Variants in LYN observed in about 807,000 individuals in gnomAD.
LYN encodes the protein tyrosine-protein kinase Lyn.
LYN carries 12 observed loss-of-function variants against 65.0 expected under a neutral mutation model. That is an observed-to-expected ratio of 0.18 (90% CI 0.12 to 0.30). The LOEUF (loss-of-function observed/expected upper bound fraction) is 0.30, where lower values mean the gene tolerates loss of function less well. Among genes scored for constraint, LYN ranks in the 10% least tolerant of loss-of-function variants. The probability of loss-of-function intolerance (pLI) is 1.00; values close to 1 mark genes in which losing one functional copy is unlikely to be tolerated. For missense variants in LYN, 380 were observed against 623.2 expected (o/e 0.61, Z 4.16); for synonymous variants, 222 against 221.2 (o/e 1.00, Z -0.03).
At chr8:55,909,221 C>T (rs1420521327) in intron 1 of LYN, among the ~76,000 whole-genome samples, 5 of 151,920 alleles carry the variant, frequency 3.3e-5, no homozygotes, top group Non-Finnish European at 5.9e-5. Flanking sequence ...ATGTGTGCCA[C>T]GTGATGGGCC....
At chr8:55,973,840 G>A (rs1249682906) in intron 10 of LYN, among the ~76,000 whole-genome samples, 1 of 152,226 alleles carries the variant, frequency 6.6e-6, no homozygotes, top group Non-Finnish European at 1.5e-5. Context: ...CAGCTACTTG[G>A]GAGGCTGAAA....
rs143676517 is a variant in LYN, at chr8:55,886,082, T to C, written c.-6+5979T>C. 2.2e-3 allele frequency among the ~76,000 whole-genome samples: 342 copies of C among 152,310 alleles called. 1 individual carries two copies. The highest frequency in any genetic ancestry group is 7.1e-3 in the African/African-American group (295 of 41,572). On this transcript the variant is annotated intron_variant, in intron 1 of 12. Coordinates refer to ENST00000519728, the MANE Select transcript of LYN (RefSeq NM_002350.4). ...ATGTACATTTTGAAATTCCCCGTCA[T>C]GGAAAGTGTTATGAAACTCTTGGGT...
chr8:56,004,769 G>A (rs184943902), intron 12 of LYN, among the ~76,000 whole-genome samples: 4 of 151,954 alleles, frequency 2.6e-5, no homozygotes, highest in African/African-American at 7.2e-5. Context: ...TAAGGATATG[G>A]CCACATACTT....
chr8:55,970,425 G>A (rs114663752), intron 10 of LYN, among the ~76,000 whole-genome samples: 1,674 of 152,284 alleles, frequency 0.011, 29 homozygotes, highest in African/African-American at 0.039. Flanking sequence ...TCAAGGAAAT[G>A]CACACTTGAA....
chr8:55,954,847 TAAATA>T (rs1367561155), intron 8 of LYN, among the ~76,000 whole-genome samples: 19 of 143,518 alleles, frequency 1.3e-4, no homozygotes, highest in African/African-American at 3.6e-4. Context: ...AATAAATAAA[TAAATA>T]AATAAATAAA....
chr8:55,928,705 TG>T (rs1418891077), intron 1 of LYN, among the ~76,000 whole-genome samples: 2 of 152,206 alleles, frequency 1.3e-5, no homozygotes, highest in Non-Finnish European at 2.9e-5. Context: ...CTTAAGAAAG[TG>T]TCTTTCACAG....
At chr8:55,903,190 A>G (rs866927314) in intron 1 of LYN, among the ~76,000 whole-genome samples, 1 of 151,686 alleles carries the variant, frequency 6.6e-6, no homozygotes, top group Non-Finnish European at 1.5e-5. Context: ...ACGGGATTTC[A>G]CCATGTTGGC....
intron 1 of LYN, among the ~76,000 whole-genome samples, chr8:55,882,457 A>G (rs1200531407): frequency 3.3e-5 from 5 of 152,248 alleles, no homozygotes. Flanking sequence ...AAATCATATT[A>G]TTCATGTACA....
chr8:55,959,606 AT>A (rs201723253), intron 8 of LYN, among the ~76,000 whole-genome samples: 1 of 152,038 alleles, frequency 6.6e-6, no homozygotes, highest in Non-Finnish European at 1.5e-5. Flanking sequence ...TTGCTTTTTA[AT>A]TTTTTTTATT....
chr8:55,981,899 G>T (rs1407507841), intron 10 of LYN, among the ~76,000 whole-genome samples: 1 of 152,228 alleles, frequency 6.6e-6, no homozygotes, highest in Admixed American at 6.5e-5. Flanking sequence ...GGAGGAATGA[G>T]AAATTATAAA....
At chr8:55,944,584 G>T (rs981883920) in intron 2 of LYN, among the ~76,000 whole-genome samples, 1 of 152,140 alleles carries the variant, frequency 6.6e-6, no homozygotes, top group African/African-American at 2.4e-5. Flanking sequence ...GAGTTCAAGC[G>T]ATTCTCCTGC....
intron 1 of LYN, among the ~76,000 whole-genome samples, chr8:55,886,684 A>C (rs997127278): frequency 6.6e-6 from 1 of 152,308 alleles, no homozygotes; most frequent in Non-Finnish European, 1.5e-5. Flanking sequence ...CTTGCAGGGG[A>C]ATGTGGCCTG....
At chr8:55,904,798 T>G (rs866943404) in intron 1 of LYN, among the ~76,000 whole-genome samples, 1 of 152,054 alleles carries the variant, frequency 6.6e-6, no homozygotes, top group Non-Finnish European at 1.5e-5. Flanking sequence ...TTGCTATGAT[T>G]TCAATTCTAG....
intron 1 of LYN, among the ~76,000 whole-genome samples, chr8:55,897,862 G>A (rs1029648082): frequency 6.6e-6 from 1 of 151,994 alleles, no homozygotes; most frequent in African/African-American, 2.4e-5. Context: ...GCAGTGAGTC[G>A]AGATCGCGCC....
At chr8:55,880,841 C>T (rs1166975935) in intron 1 of LYN, among the ~76,000 whole-genome samples, 7 of 152,222 alleles carry the variant, frequency 4.6e-5, no homozygotes, top group Admixed American at 2.6e-4. Flanking sequence ...TTCCCACTTT[C>T]CTGCATTCTC....
chr8:55,905,851 T>C (rs1043061610), intron 1 of LYN, among the ~76,000 whole-genome samples: 1 of 152,130 alleles, frequency 6.6e-6, no homozygotes, highest in Non-Finnish European at 1.5e-5. Flanking sequence ...GTGTCTCCCA[T>C]GCAAAGAGCC....
At chr8:55,917,039 C>T (rs182254622) in intron 1 of LYN, among the ~76,000 whole-genome samples, 120 of 151,948 alleles carry the variant, frequency 7.9e-4, no homozygotes, top group Admixed American at 1.6e-3. Flanking sequence ...TAGCCAGGCG[C>T]CGTGGTGCAT....
chr8:55,895,646 T>C (rs1805075017), intron 1 of LYN: 1 of 152,088 alleles, frequency 6.6e-6, no homozygotes, highest in South Asian at 2.1e-4. Flanking sequence ...TTTAAAGGAA[T>C]TGGCTTCTAG....
chr8:55,895,013 T>C (rs927426704), intron 1 of LYN, among the ~76,000 whole-genome samples: 3 of 151,366 alleles, frequency 2.0e-5, no homozygotes, highest in Admixed American at 2.0e-4. Context: ...GGGATCTCAC[T>C]ATGTTGCCCA....
Sources: gnomAD v4.1 joint callset for allele counts (sites outside exome capture counted in the v4.1 genomes callset) on GRCh38, gnomAD v4.1.1 for gene constraint, MANE v1.5 for transcripts, NCBI Gene and HGNC (gene_info 2026-07-23, HGNC 2026-07-21) for gene names.